CDC42BPA: variants seen among roughly 807,000 people sequenced by gnomAD.
CDC42BPA encodes the protein CDC42 binding protein kinase alpha.
Under a neutral mutation model 223.5 loss-of-function variants are expected in CDC42BPA, and 80 were observed. The ratio of observed to expected loss-of-function variants is 0.36; its 90% CI spans 0.30 to 0.43. CDC42BPA has a LOEUF of 0.43. Ranked by LOEUF, CDC42BPA falls within the 20% of genes least tolerant of loss-of-function variation. The pLI, the probability that CDC42BPA is intolerant of heterozygous loss-of-function variation, is 1.00. For missense variants in CDC42BPA, 1,743 were observed against 2,099.9 expected, an observed-to-expected ratio of 0.83 and a Z score of 3.32; for synonymous variants, 694 against 718.6, an observed-to-expected ratio of 0.97 and a Z score of 0.55.
At chr1:227,251,912 A>G (rs1253825483) in intron 2 of CDC42BPA, among the ~76,000 whole-genome samples, 3 of 152,112 alleles carry the variant, frequency 2.0e-5, no homozygotes, top group Admixed American at 1.3e-4. Flanking sequence ...AATTTTCTAA[A>G]TGTTTAGAAA....
intron 1 of CDC42BPA, among the ~76,000 whole-genome samples, chr1:227,268,223 T>A (rs568011563): frequency 2.6e-5 from 4 of 152,106 alleles, no homozygotes; most frequent in Non-Finnish European, 1.5e-5. Flanking sequence ...TAAAGCCCCA[T>A]CCATTTGTTT....
At chr1:227,137,900 G>A (rs1009773958) in intron 10 of CDC42BPA, among the ~76,000 whole-genome samples, 1 of 152,006 alleles carries the variant, frequency 6.6e-6, no homozygotes, top group Non-Finnish European at 1.5e-5. Context: ...TTTACCCTAT[G>A]CTGGACATAT....
At chr1:227,235,198 A>C (rs1572538975) in intron 2 of CDC42BPA, 1 of 152,172 alleles carries the variant, frequency 6.6e-6, no homozygotes, top group Non-Finnish European at 1.5e-5. Context: ...GGTCTGGGAG[A>C]ATGAAGACTG....
intron 19 of CDC42BPA, among the ~76,000 whole-genome samples, chr1:227,072,841 T>C (rs1678687646): frequency 6.6e-6 from 1 of 152,068 alleles, no homozygotes; most frequent in Non-Finnish European, 1.5e-5. Context: ...ATATTACTTA[T>C]TTCAAATTAC....
chr1:227,193,622 T>C (rs1553386797), intron 5 of CDC42BPA, 164 bp downstream of exon 5: 1 of 564,684 alleles, frequency 1.8e-6, no homozygotes, highest in Admixed American at 3.5e-5. Flanking sequence ...TGACAAATAA[T>C]AACAACAACA....
chr1:227,082,714 CA>C (rs71574595), intron 16 of CDC42BPA, among the ~76,000 whole-genome samples: 2,076 of 59,298 alleles, frequency 0.035, 23 homozygotes, highest in African/African-American at 0.066. Context: ...GACTCTGTCT[CA>C]AAAAAAAAAA....
chr1:227,009,187 T>G (rs977195351), intron 34 of CDC42BPA, among the ~76,000 whole-genome samples: 3 of 152,124 alleles, frequency 2.0e-5, no homozygotes, highest in Non-Finnish European at 4.4e-5. Context: ...GCTGAAGTAA[T>G]AAAGGAATGA....
chr1:227,028,490 C>A (rs916029953), intron 30 of CDC42BPA, among the ~76,000 whole-genome samples, 167 bp downstream of exon 30: 2 of 152,142 alleles, frequency 1.3e-5, no homozygotes, highest in Non-Finnish European at 2.9e-5. Flanking sequence ...CCAGGCCTAA[C>A]TACATATGGT....
At chr1:227,181,836 T>C (rs1445531760) in intron 5 of CDC42BPA, among the ~76,000 whole-genome samples, 2 of 152,314 alleles carry the variant, frequency 1.3e-5, no homozygotes, top group Admixed American at 1.3e-4. Context: ...TAAGCTTTTA[T>C]CATTTCCCCA....
intron 4 of CDC42BPA, 132 bp downstream of exon 4, chr1:227,199,425 T>C: frequency 1.8e-6 from 1 of 550,850 alleles, no homozygotes; most frequent in Non-Finnish European, 3.1e-6. Context: ...ACATATCAAG[T>C]GAACAACTTA....
chr1:227,269,564 G>T (rs1037780007), intron 1 of CDC42BPA, among the ~76,000 whole-genome samples: 1 of 151,786 alleles, frequency 6.6e-6, no homozygotes, highest in Non-Finnish European at 1.5e-5. Flanking sequence ...AAGATAACAC[G>T]AACAAAGTTT....
intron 16 of CDC42BPA, among the ~76,000 whole-genome samples, chr1:227,088,391 G>T (rs149099874): frequency 0.018 from 2,789 of 152,014 alleles, 33 homozygotes; most frequent in Middle Eastern, 0.027. Flanking sequence ...GACTACATAG[G>T]AATACGAAAA....
chr1:226,992,749 T>G lies in CDC42BPA; in HGVS notation c.*1519A>C, dbSNP rs1277633247. On this transcript the variant is annotated 3_prime_UTR_variant, in exon 37 of 37. Coordinates refer to ENST00000366766, the MANE Select transcript of CDC42BPA (RefSeq NM_001394014.1). ...CCTTCATGAGATACTTTTATTTTTATCTCTTTCTCTACTCATGTGCTTAAC... is the reference window on the plus strand; with the variant it reads ...CCTTCATGAGATACTTTTATTTTTAGCTCTTTCTCTACTCATGTGCTTAAC... 6.6e-6 allele frequency: 1 copy of G among 152,238 alleles called. No individual in the cohort carries two copies. The highest frequency in any genetic ancestry group is 1.5e-5 in the Non-Finnish European group (1 of 68,042). 9.4% of individuals were successfully genotyped at this position (152,238 alleles called of 1,614,324 possible).
chr1:227,315,953 TCC>T (rs1694307831), intron 1 of CDC42BPA, among the ~76,000 whole-genome samples: 1 of 49,860 alleles, frequency 2.0e-5, no homozygotes, highest in African/African-American at 8.9e-5. Flanking sequence ...AAATTTCAAA[TCC>T]AAAAAAAAAA....
In CDC42BPA at chr1:227,023,299, T is replaced by A. The variant is rs769681926; in HGVS notation, c.4579A>T (p.Thr1527Ser). 1.9e-6 allele frequency: 3 copies of A among 1,541,658 alleles called. No homozygotes were observed. The highest frequency in any genetic ancestry group is 2.7e-6 in the Non-Finnish European group (3 of 1,121,810). The part of the protein sequence containing the change: ...EGSLNLLGLE[T>S]IRLIYFKNKM... The stretch of plus-strand genomic sequence containing the variant: ...TTTTTGAAATATATTAATCTAATGG[T>A]CTCCAACCCTAAAAGATTTAATGAT... The change falls in exon 32 of 37, where the codon ACC (threonine) becomes TCC (serine). Residue 1527 changes from threonine to serine, a missense_variant. Thr to Ser is a moderately conservative substitution (Grantham distance 58). Around this residue, in one of 6 missense-constraint regions of CDC42BPA, gnomAD observed 678 missense variants for 777.5 expected, o/e 0.87. Transcript: ENST00000366766.
intron 11 of CDC42BPA, among the ~76,000 whole-genome samples, chr1:227,127,707 G>C (rs12408437): frequency 0.15 from 23,472 of 152,050 alleles, 2,186 homozygotes; most frequent in African/African-American, 0.25. Flanking sequence ...TAAAGTAACA[G>C]AGATTAGATA....
chr1:227,074,112 A>G (rs1678977614), intron 18 of CDC42BPA, 100 bp from the exon 19 acceptor site: 5 of 1,425,046 alleles, frequency 3.5e-6, no homozygotes, highest in African/African-American at 1.4e-5. Flanking sequence ...ACTGGAAAAG[A>G]CCCAAACTAA....
At chr1:227,198,024 T>C (rs1671034453) in intron 4 of CDC42BPA, among the ~76,000 whole-genome samples, 1 of 152,204 alleles carries the variant, frequency 6.6e-6, no homozygotes, top group African/African-American at 2.4e-5. Context: ...ATTCTCACTA[T>C]AACCCACAAT....
intron 16 of CDC42BPA, among the ~76,000 whole-genome samples, chr1:227,088,453 C>T (rs1682408355): frequency 6.6e-6 from 1 of 152,078 alleles, no homozygotes; most frequent in Non-Finnish European, 1.5e-5. Context: ...GGATTGTATA[C>T]ATGATTGCAA....
Sources: allele counts gnomAD v4.1 joint callset (sites outside exome capture counted in the v4.1 genomes callset), GRCh38; gene constraint gnomAD v4.1.1; regional missense constraint gnomAD v4.1.1; transcripts MANE v1.5; gene names NCBI Gene and HGNC (gene_info 2026-07-23, HGNC 2026-07-21).